The following GLCCI1 variants were observed in gnomAD, a reference collection of about 807,000 sequenced individuals.
GLCCI1 encodes glucocorticoid induced 1, also known as glucocorticoid-induced transcript 1 protein.
Under a neutral mutation model 52.2 loss-of-function variants are expected in GLCCI1, and 24 were observed. The ratio of observed to expected loss-of-function variants is 0.46; its 90% CI spans 0.33 to 0.65. The LOEUF (loss-of-function observed/expected upper bound fraction) is 0.65, where lower values mean the gene tolerates loss of function less well. GLCCI1 is among the 30% of genes least tolerant of loss of function. The pLI is 0.02. For missense variants in GLCCI1, 704 were observed against 701.5 expected (o/e 1.00, Z -0.04); for synonymous variants, 310 against 276.5 (o/e 1.12, Z -1.20).
intron 1 of GLCCI1, among the ~76,000 whole-genome samples, chr7:7,993,170 A>C (rs1433461774): frequency 3.3e-5 from 5 of 151,536 alleles, no homozygotes; most frequent in Admixed American, 3.3e-4. Context: ...TCTGTTGTTC[A>C]TTTTTTTTAA....
intron 5 of GLCCI1, 42 bp downstream of exon 5, chr7:8,060,290 A>G (rs377398126): frequency 2.9e-5 from 44 of 1,504,114 alleles, no homozygotes; most frequent in Non-Finnish European, 3.6e-5. Context: ...TTTCTCTGAT[A>G]TAACGAACTG....
chr7:7,984,282 A>G (rs542598086), intron 1 of GLCCI1, among the ~76,000 whole-genome samples: 3 of 151,734 alleles, frequency 2.0e-5, no homozygotes, highest in South Asian at 4.2e-4. Context: ...CTGGTCTTGA[A>G]CTCCTGGGCT....
intron 1 of GLCCI1, among the ~76,000 whole-genome samples, chr7:8,002,003 A>G (rs1249700385): frequency 6.6e-6 from 1 of 152,170 alleles, no homozygotes; most frequent in Non-Finnish European, 1.5e-5. Context: ...GTAAATGACA[A>G]GTTAATGGGT....
At chr7:8,001,850 AG>A (rs1168657251) in intron 1 of GLCCI1, among the ~76,000 whole-genome samples, 6 of 152,224 alleles carry the variant, frequency 3.9e-5, no homozygotes, top group Non-Finnish European at 4.4e-5. Context: ...AATTATCGCA[AG>A]GACCAAACAC....
At chr7:7,986,473 C>T (rs1447664986) in intron 1 of GLCCI1, among the ~76,000 whole-genome samples, 1 of 150,920 alleles carries the variant, frequency 6.6e-6, no homozygotes, top group South Asian at 2.1e-4. Context: ...TGCAGTGAGC[C>T]GAGATCACAC....
chr7:7,988,520 T>G (rs1195795004), intron 1 of GLCCI1, among the ~76,000 whole-genome samples: 1 of 152,212 alleles, frequency 6.6e-6, no homozygotes, highest in African/African-American at 2.4e-5. Context: ...AGTACTTTTT[T>G]TTAATGTCTT....
At chr7:8,077,277 A>T (rs1490139576) in intron 6 of GLCCI1, among the ~76,000 whole-genome samples, 5 of 152,208 alleles carry the variant, frequency 3.3e-5, no homozygotes, top group Non-Finnish European at 5.9e-5. Flanking sequence ...GTATCAACTC[A>T]TAGGGACCAC....
At chr7:8,054,366 G>A (rs553810585) in intron 3 of GLCCI1, among the ~76,000 whole-genome samples, 3 of 152,046 alleles carry the variant, frequency 2.0e-5, no homozygotes, top group Non-Finnish European at 2.9e-5. Context: ...TTTTATGAGA[G>A]ATCCATAAGC....
chr7:7,976,869 C>T (rs1280196527), intron 1 of GLCCI1, among the ~76,000 whole-genome samples: 1 of 151,138 alleles, frequency 6.6e-6, no homozygotes, highest in Non-Finnish European at 1.5e-5. Context: ...TTACAGTGAG[C>T]TGAAATCACC....
chr7:8,055,635 C>T (rs1782371912), intron 4 of GLCCI1, 86 bp downstream of exon 4: 4 of 826,982 alleles, frequency 4.8e-6, no homozygotes, highest in Admixed American at 4.0e-5. Context: ...TAAAAAAACC[C>T]ATAAATATTT....
intron 3 of GLCCI1, among the ~76,000 whole-genome samples, chr7:8,038,125 T>C (rs1781909515): frequency 6.6e-6 from 1 of 152,192 alleles, no homozygotes; most frequent in Non-Finnish European, 1.5e-5. Flanking sequence ...ACCAATGAAG[T>C]CACTGATGAC....
chr7:8,071,400 T>C (rs533093462), intron 6 of GLCCI1, among the ~76,000 whole-genome samples: 1 of 152,308 alleles, frequency 6.6e-6, no homozygotes, highest in African/African-American at 2.4e-5. Context: ...CTTCATATAA[T>C]GCATAGGTCT....
chr7:7,976,426 C>G (rs988481464), intron 1 of GLCCI1, among the ~76,000 whole-genome samples: 30 of 122,238 alleles, frequency 2.5e-4, no homozygotes, highest in African/African-American at 8.9e-4. Flanking sequence ...TTGCAGTGAG[C>G]TGAGATCATG....
rs58721575 is a variant in GLCCI1 at position 8,039,996 on chromosome 7, C to CA, written c.697-15420dup. The stretch of plus-strand genomic sequence containing the variant: ...CGGGTGACAGAGCAAGACTCTGTCT[C>CA]AAAAAAAAAAAAAAAAAGAAGAAGC... On this transcript the variant is annotated intron_variant, in intron 3 of 7. Coordinates refer to ENST00000223145, the MANE Select transcript of GLCCI1 (RefSeq NM_138426.4). Among the ~76,000 whole-genome samples, 411 of 116,960 alleles carry CA rather than the reference C, an allele frequency of 3.5e-3. 3 individuals carry two copies. Among genetic ancestry groups the CA allele is most frequent in the African/African-American group, 0.01 (318 of 31,050 alleles). 76.7% of individuals were successfully genotyped at this position (116,960 alleles called of 152,430 possible).
chr7:8,057,365 G>T (rs571579736), intron 4 of GLCCI1, among the ~76,000 whole-genome samples: 119 of 152,156 alleles, frequency 7.8e-4, no homozygotes, highest in African/African-American at 2.8e-3. Flanking sequence ...AATACTGTAG[G>T]CAGTAAAATG....
rs139886444 is a variant in GLCCI1 at position 7,979,487 on chromosome 7, T to G, written c.457+9680T>G. Among the ~76,000 whole-genome samples, 750 of 152,312 alleles carry G rather than the reference T, an allele frequency of 4.9e-3. 11 individuals carry two copies. Among genetic ancestry groups the G allele is most frequent in the East Asian group, 0.039 (200 of 5,192 alleles). On this transcript the variant is annotated intron_variant, in intron 1 of 7. Transcript: ENST00000223145. ...TCTGTTTTGAAGTTGCCACTCTGTTTATGTGTATTTTTCTTTCATTAGATG... is the reference window on the plus strand; with the variant it reads ...TCTGTTTTGAAGTTGCCACTCTGTTGATGTGTATTTTTCTTTCATTAGATG...
chr7:8,021,901 A>G (rs764486117), intron 2 of GLCCI1, among the ~76,000 whole-genome samples: 40 of 152,284 alleles, frequency 2.6e-4, no homozygotes, highest in South Asian at 4.1e-4. Flanking sequence ...TTTAGTTTAT[A>G]TTCTGTTTAT....
At chr7:8,011,318 G>A (rs1224274647) in intron 2 of GLCCI1, among the ~76,000 whole-genome samples, 2 of 152,042 alleles carry the variant, frequency 1.3e-5, no homozygotes, top group East Asian at 1.9e-4. Flanking sequence ...CCCACCACAC[G>A]CCAGCCTCTG....
chr7:7,993,934 A>T (rs181795223), intron 1 of GLCCI1, among the ~76,000 whole-genome samples: 4 of 152,232 alleles, frequency 2.6e-5, no homozygotes, highest in African/African-American at 9.6e-5. Context: ...TGATAAACAC[A>T]TCATAAAGTC....
Sources: gnomAD v4.1 joint callset for allele counts (sites outside exome capture counted in the v4.1 genomes callset) on GRCh38, gnomAD v4.1.1 for gene constraint, MANE v1.5 for transcripts, NCBI Gene and HGNC (gene_info 2026-07-23, HGNC 2026-07-21) for gene names.